TLR7: variants seen among roughly 807,000 people sequenced by gnomAD.
TLR7 encodes toll-like receptor 7.
Under a neutral mutation model 38.3 loss-of-function variants are expected in TLR7, and 12 were observed. That is an observed-to-expected ratio of 0.31 (90% CI 0.20 to 0.51). The LOEUF (loss-of-function observed/expected upper bound fraction) is 0.51, where lower values mean the gene tolerates loss of function less well. Among genes scored for constraint, TLR7 ranks in the 20% least tolerant of loss-of-function variants. The pLI is 0.98. For synonymous variants in TLR7, 285 were observed against 293.8 expected, an observed-to-expected ratio of 0.97 and a Z score of 0.31; for missense variants, 504 against 743.4, an observed-to-expected ratio of 0.68 and a Z score of 3.74.
At position 12,885,905 on chromosome X, in the gene TLR7, T is replaced by C. The variant is rs1396972847; in HGVS notation, c.397T>C (p.Tyr133His). 1 of 1,211,778 alleles carries C rather than the reference T, an allele frequency of 8.3e-7. No homozygotes were observed. The highest frequency in any genetic ancestry group is 2.2e-5 in the Admixed American group (1 of 46,009). ...TGGACTCACTTATTTAAAATCCCTT[T>C]ACCTGGATGGAAACCAGCTACTAGA... ...FSGLTYLKSL[Y>H]LDGNQLLEIP... The change falls in exon 3 of 3, where the codon TAC becomes CAC. Residue 133 changes from tyrosine (Y) to histidine (H), a missense_variant. Transcript: ENST00000380659.
intron 2 of TLR7, among the ~76,000 whole-genome samples, chrX:12,873,766 T>A (rs191914936): frequency 8.9e-6 from 1 of 112,332 alleles, no homozygotes; most frequent in African/African-American, 3.2e-5. Context: ...ATATTTATCA[T>A]AAATGCATTA....
At position 12,869,352 on chromosome X, in the gene TLR7, C is replaced by T. The variant is rs72552350; in HGVS notation, c.3+1771C>T. Among the ~76,000 whole-genome samples, 1,079 of 111,325 alleles carry T rather than the reference C, an allele frequency of 9.7e-3. 18 individuals carry two copies. The highest frequency in any genetic ancestry group is 0.033 in the African/African-American group (1,023 of 30,598). ...TAGAAACTCTTCTTAAAGAAGTGAC[C>T]ATGAGACTGGATAAAAAAATGTGGC... On this transcript the variant is annotated intron_variant, in intron 2 of 2. Coordinates refer to ENST00000380659, the MANE Select transcript of TLR7 (RefSeq NM_016562.4).
In TLR7 at chrX:12,886,543, G is replaced by A. The variant is rs5743780; in HGVS notation, c.1035G>A (p.Leu345=). The A allele has an allele frequency of 0.019, 23,507 of 1,209,887 alleles. 217 individuals carry two copies. Among genetic ancestry groups the A allele is most frequent in the Non-Finnish European group, 0.023 (20,646 of 895,064 alleles). Residue 345 remains leucine, a synonymous_variant, in exon 3 of 3, where the codon TTG becomes TTA. Transcript: ENST00000380659. The part of the protein sequence containing the change: ...FLHFLPSLIQ[L]DLSFNFELQV... ...ATTTTCTCCCCAGCCTCATCCAATT[G>A]GATCTGTCTTTCAATTTTGAACTTC...
chrX:12,870,583 G>A (rs5743728), intron 2 of TLR7, among the ~76,000 whole-genome samples: 4,902 of 111,353 alleles, frequency 0.044, 269 homozygotes, highest in African/African-American at 0.15. Flanking sequence ...GAAACTCACC[G>A]AAGTTTAGGG....
intron 2 of TLR7, among the ~76,000 whole-genome samples, chrX:12,879,719 C>G (rs1241784223): frequency 8.9e-6 from 1 of 112,072 alleles, no homozygotes. Context: ...ACCTCACTTC[C>G]TCCCAAATTT....
At position 12,882,513 on chromosome X, in the gene TLR7, G is replaced by A. The variant is rs888620622; in HGVS notation, c.4-2999G>A. Among the ~76,000 whole-genome samples, 5 of 111,429 alleles carry A rather than the reference G, an allele frequency of 4.5e-5. No individual in the cohort carries two copies. In the Middle Eastern group the frequency reaches 0.014, roughly 310 times the overall value. On this transcript the variant is annotated intron_variant, in intron 2 of 2. Coordinates refer to ENST00000380659, the MANE Select transcript of TLR7 (RefSeq NM_016562.4). ...AATTTATAATATGTCACTGTGTAGA[G>A]GCTAAAAATTTCACAGTCATTGTCT...
At chrX:12,883,929 GA>G (rs765167284) in intron 2 of TLR7, among the ~76,000 whole-genome samples, 1 of 111,000 alleles carries the variant, frequency 9.0e-6, no homozygotes, top group East Asian at 2.8e-4. Context: ...TTGCATTGGA[GA>G]AAAAAAATTG....
At chrX:12,870,179 C>A (rs904067079) in intron 2 of TLR7, among the ~76,000 whole-genome samples, 16 of 111,288 alleles carry the variant, frequency 1.4e-4, no homozygotes, top group African/African-American at 6.5e-5. Flanking sequence ...AAATCAGAGG[C>A]TCATGAGGTC....
In TLR7 at chrX:12,867,474, C is replaced by G; in HGVS notation, c.-98-7C>G. Reference sequence around the variant, plus strand: ...ATGTAAACTTTGATGTCTTCTCTTTCTCTTAGTTGATGCTATTGGGCCCAT... The same window carrying G: ...ATGTAAACTTTGATGTCTTCTCTTTGTCTTAGTTGATGCTATTGGGCCCAT... On this transcript the variant is annotated splice_region_variant and splice_polypyrimidine_tract_variant and intron_variant, in intron 1 of 2. Coordinates refer to ENST00000380659, the MANE Select transcript of TLR7 (RefSeq NM_016562.4). The G allele has an allele frequency of 1.5e-6, 1 of 688,711 alleles. No individual in the cohort carries two copies. Among genetic ancestry groups the G allele is most frequent in the East Asian group, 3.2e-5 (1 of 30,804 alleles). The allele number at this position is 688,711 out of a possible 1,213,427, so 56.8% of individuals were successfully genotyped here.
Position 12,870,531 on chromosome X carries a change from G to A in TLR7, c.3+2950G>A, listed in dbSNP as rs1481167351. Among the ~76,000 whole-genome samples, 5 of 111,760 alleles carry A rather than the reference G, an allele frequency of 4.5e-5. No homozygotes were observed. The Admixed American group carries it at 4.8e-4, about 11-fold the overall frequency. The stretch of plus-strand genomic sequence containing the variant: ...AAAAATCATCATTACAGATTAACCA[G>A]CCAGTACCTCTGCACCCCAAGAATA... On this transcript the variant is annotated intron_variant, in intron 2 of 2. Transcript: ENST00000380659.
chrX:12,882,978 G>A (rs1166405150), intron 2 of TLR7, among the ~76,000 whole-genome samples: 1 of 111,519 alleles, frequency 9.0e-6, no homozygotes, highest in Non-Finnish European at 1.9e-5. Flanking sequence ...ATATCACTCT[G>A]GGCAGCATTA....
rs781147885 is a variant in TLR7 at position 12,872,426 on chromosome X, GCTC to G, written c.3+4849_3+4851del. 1.9e-4 allele frequency among the ~76,000 whole-genome samples: 21 copies of G among 111,007 alleles called. No homozygotes were observed. In the East Asian group the frequency reaches 6.0e-3, roughly 32 times the overall value. ...ACAGCTAGGTGCCGAAGCAGCTGCA[GCTC>G]CTCAAGTGTCTCTGTCTCCATGTGG... On this transcript the variant is annotated intron_variant, in intron 2 of 2. Transcript: ENST00000380659.
chrX:12,872,476 C>G (rs1359266714), intron 2 of TLR7, among the ~76,000 whole-genome samples: 1 of 110,520 alleles, frequency 9.0e-6, no homozygotes, highest in South Asian at 3.9e-4. Context: ...TGGTGGTTGT[C>G]GTATAGCCAG....
rs1023314850 is a variant in TLR7, at chrX:12,890,058, G to A, written c.*1400G>A. 1 of 112,792 alleles carries A rather than the reference G, an allele frequency of 8.9e-6. No homozygotes were observed. Among genetic ancestry groups the A allele is most frequent in the African/African-American group, 3.2e-5 (1 of 31,063 alleles). 9.3% of individuals were successfully genotyped at this position (112,792 alleles called of 1,213,427 possible). A position where few individuals can be genotyped will look rare whatever the true frequency, so the allele number is the denominator to read the frequency against. On this transcript the variant is annotated 3_prime_UTR_variant, in exon 3 of 3. Coordinates refer to ENST00000380659, the MANE Select transcript of TLR7 (RefSeq NM_016562.4). Reference sequence around the variant, plus strand: ...GAACCAAGACATTCTTAAGATGCCTGTACTTTCAGCTGGGTATAAATTCAT... The same window carrying A: ...GAACCAAGACATTCTTAAGATGCCTATACTTTCAGCTGGGTATAAATTCAT...
At chrX:12,883,653 G>A (rs934220206) in intron 2 of TLR7, among the ~76,000 whole-genome samples, 1 of 111,476 alleles carries the variant, frequency 9.0e-6, no homozygotes, top group Non-Finnish European at 1.9e-5. Context: ...ACTGATTAAG[G>A]TTTGGGAAGC....
At chrX:12,876,871 T>C (rs1183307930) in intron 2 of TLR7, among the ~76,000 whole-genome samples, 2 of 110,556 alleles carry the variant, frequency 1.8e-5, no homozygotes, top group Admixed American at 9.6e-5. Context: ...TATACTATGC[T>C]ATTTTACAAG....
Position 12,887,757 on chromosome X carries a change from G to T in TLR7, c.2249G>T (p.Arg750Leu). 1 of 1,210,511 alleles carries T rather than the reference G, an allele frequency of 8.3e-7. No individual in the cohort carries two copies. The highest frequency in any genetic ancestry group is 1.8e-5 in the South Asian group (1 of 56,968). ...TTTCTACAAGATGCCTTCCAGTTGC[G>T]ATATCTGGATCTCAGCTCAAATAAA... Reference protein sequence around the residue: ...KYFLQDAFQLRYLDLSSNKIQ... With the variant: ...KYFLQDAFQLLYLDLSSNKIQ... Residue 750 changes from arginine (R) to leucine (L), a missense_variant, in exon 3 of 3, where the codon CGA (arginine) becomes CTA (leucine). Coordinates refer to ENST00000380659, the MANE Select transcript of TLR7 (RefSeq NM_016562.4).
At chrX:12,872,594 C>T (rs998067127) in intron 2 of TLR7, among the ~76,000 whole-genome samples, 2 of 110,682 alleles carry the variant, frequency 1.8e-5, no homozygotes, top group African/African-American at 6.6e-5. Flanking sequence ...TGCCAGTACG[C>T]GCGAGGTGAA....
chrX:12,872,574 AGT>A (rs1222049626), intron 2 of TLR7, among the ~76,000 whole-genome samples: 1 of 110,707 alleles, frequency 9.0e-6, no homozygotes, highest in Non-Finnish European at 1.9e-5. Flanking sequence ...AGAGAGAGAA[AGT>A]GTGTGTGTGC....
Sources: allele counts gnomAD v4.1 joint callset (sites outside exome capture counted in the v4.1 genomes callset), GRCh38; gene constraint gnomAD v4.1.1; transcripts MANE v1.5; gene names NCBI Gene and HGNC (gene_info 2026-07-23, HGNC 2026-07-21).